The following FAT3 variants were observed in gnomAD, a reference collection of about 807,000 sequenced individuals.
The protein encoded by FAT3 is protocadherin Fat 3.
Under a neutral mutation model 310.2 loss-of-function variants are expected in FAT3, and 95 were observed. The observed-to-expected ratio is 0.31, with a 90% CI of 0.26 to 0.36. FAT3 has a LOEUF of 0.36. Ranked by LOEUF, FAT3 falls within the 10% of genes least tolerant of loss-of-function variation. The pLI is 1.00. For missense variants in FAT3, 5,408 were observed against 5,715.6 expected, an observed-to-expected ratio of 0.95 and a Z score of 1.74; for synonymous variants, 2,314 against 2,192.9, an observed-to-expected ratio of 1.06 and a Z score of -1.54.
At chr11:92,703,839 G>GAGTA (rs1283243178) in intron 4 of FAT3, among the ~76,000 whole-genome samples, 3 of 152,180 alleles carry the variant, frequency 2.0e-5, no homozygotes, top group Non-Finnish European at 4.4e-5. Flanking sequence ...AGGTCTCCTA[G>GAGTA]AGTACTAAAC....
Position 92,697,262 on chromosome 11 carries a change from G to A in FAT3, c.3608-122G>A, listed in dbSNP as rs765389306. The A allele has an allele frequency of 2.0e-4, 139 of 681,918 alleles. 3 individuals are homozygous for A. In the South Asian group the frequency reaches 2.2e-3, roughly 11 times the overall value. The allele number at this position is 681,918 out of a possible 1,614,324, so 42.2% of individuals were successfully genotyped here. A position where few individuals can be genotyped will look rare whatever the true frequency, so the allele number is the denominator to read the frequency against. ...CTTGAGACCATTCTGATTGTCATGG[G>A]GGATTGGAAAGTTACAGTTCCATAC... is the stretch of plus-strand genomic sequence containing the variant. On this transcript the variant is annotated intron_variant, in intron 3 of 27. Coordinates refer to ENST00000525166, the MANE Select transcript of FAT3 (RefSeq NM_001367949.2).
At chr11:92,416,838 AG>A (rs1950427352) in intron 2 of FAT3, among the ~76,000 whole-genome samples, 1 of 152,192 alleles carries the variant, frequency 6.6e-6, no homozygotes, top group Admixed American at 6.5e-5. Context: ...CATCCTTTAC[AG>A]ATGCAGATCT....
chr11:92,693,538 G>A (rs148616301), intron 3 of FAT3, among the ~76,000 whole-genome samples: 123 of 152,176 alleles, frequency 8.1e-4, no homozygotes, highest in Middle Eastern at 3.4e-3. Context: ...AATGCATTCA[G>A]CTACAACAAA....
chr11:92,337,621 A>T (rs1358322867), intron 1 of FAT3, among the ~76,000 whole-genome samples: 1 of 152,162 alleles, frequency 6.6e-6, no homozygotes, highest in Non-Finnish European at 1.5e-5. Flanking sequence ...TAGTAGAGAC[A>T]GGGTTTCGCC....
intron 1 of FAT3, among the ~76,000 whole-genome samples, chr11:92,250,215 G>A (rs1427832896): frequency 1.3e-5 from 2 of 151,982 alleles, no homozygotes; most frequent in Non-Finnish European, 2.9e-5. Context: ...TCTATTTTTA[G>A]CATCTAAGTT....
chr11:92,698,595 T>C (rs1470336361), intron 4 of FAT3, among the ~76,000 whole-genome samples: 3 of 152,152 alleles, frequency 2.0e-5, no homozygotes, highest in Non-Finnish European at 4.4e-5. Flanking sequence ...TAAAGGATTA[T>C]TATTATTATT....
chr11:92,389,679 C>T (rs1425971379), intron 2 of FAT3, among the ~76,000 whole-genome samples: 6 of 152,110 alleles, frequency 3.9e-5, no homozygotes, highest in Non-Finnish European at 8.8e-5. Context: ...ATAATCTTCA[C>T]AGTAGCAGTT....
At chr11:92,295,915 A>T (rs1247746293) in intron 1 of FAT3, among the ~76,000 whole-genome samples, 1 of 152,126 alleles carries the variant, frequency 6.6e-6, no homozygotes, top group Non-Finnish European at 1.5e-5. Context: ...TTCAATGTAT[A>T]ACCTTGGAGA....
intron 1 of FAT3, among the ~76,000 whole-genome samples, chr11:92,289,103 A>C (rs1298936243): frequency 1.3e-5 from 2 of 152,112 alleles, no homozygotes; most frequent in Non-Finnish European, 2.9e-5. Flanking sequence ...CTGTGAAAAG[A>C]ATCATAAATA....
intron 2 of FAT3, among the ~76,000 whole-genome samples, chr11:92,426,471 A>G (rs1950636234): frequency 1.3e-5 from 2 of 152,064 alleles, no homozygotes; most frequent in South Asian, 4.1e-4. Context: ...CCTGAAAGGT[A>G]TTGCCTGTAT....
In FAT3 at chr11:92,891,248, A is replaced by G; in HGVS notation, c.*135A>G. ...ATTTTTCCACTAGAAACTTCTTCACAAGTCATACTGTCCCAACAAGCAAGC... is the reference window on the plus strand; with the variant it reads ...ATTTTTCCACTAGAAACTTCTTCACGAGTCATACTGTCCCAACAAGCAAGC... On this transcript the variant is annotated 3_prime_UTR_variant, in exon 28 of 28. Coordinates refer to ENST00000525166, the MANE Select transcript of FAT3 (RefSeq NM_001367949.2). 5 of 1,200,254 alleles carry G rather than the reference A, an allele frequency of 4.2e-6. No individual in the cohort carries two copies. Among genetic ancestry groups the G allele is most frequent in the African/African-American group, 1.5e-5 (1 of 65,866 alleles). The allele number at this position is 1,200,254 out of a possible 1,614,324, so 74.4% of individuals were successfully genotyped here.
intron 6 of FAT3, among the ~76,000 whole-genome samples, chr11:92,767,356 A>T (rs564929648): frequency 1.3e-5 from 2 of 151,898 alleles, no homozygotes; most frequent in African/African-American, 4.8e-5. Flanking sequence ...CTTTCTCATC[A>T]GCCACTGATT....
chr11:92,588,480 G>T lies in FAT3; in HGVS notation c.3607+63532G>T, dbSNP rs368223150. On this transcript the variant is annotated intron_variant, in intron 3 of 27. Transcript: ENST00000525166. ...ACTTCCTACTGATTTTACTTCTTGA[G>T]TGATTAGTTCCAACATTGCTTATGC... 5.5e-4 allele frequency among the ~76,000 whole-genome samples: 83 copies of T among 152,118 alleles called. No individual in the cohort carries two copies. In the South Asian group the frequency reaches 8.9e-3, roughly 16 times the overall value.
At chr11:92,495,916 T>G (rs1952742546) in intron 2 of FAT3, among the ~76,000 whole-genome samples, 1 of 152,088 alleles carries the variant, frequency 6.6e-6, no homozygotes, top group Admixed American at 6.6e-5. Flanking sequence ...TCAGCTGGTT[T>G]AAATCAGAGT....
chr11:92,511,432 C>T (rs1953286909), intron 2 of FAT3, among the ~76,000 whole-genome samples: 1 of 152,004 alleles, frequency 6.6e-6, no homozygotes, highest in African/African-American at 2.4e-5. Context: ...CTTTAAAGAA[C>T]CAGACATTCC....
chr11:92,234,383 G>A (rs1864323448), intron 1 of FAT3, among the ~76,000 whole-genome samples: 1 of 152,178 alleles, frequency 6.6e-6, no homozygotes, highest in Admixed American at 6.5e-5. Flanking sequence ...TGGCATCAGA[G>A]GGGAAAATAA....
At chr11:92,593,176 T>C (rs1939525771) in intron 3 of FAT3, among the ~76,000 whole-genome samples, 1 of 135,722 alleles carries the variant, frequency 7.4e-6, no homozygotes, top group African/African-American at 2.9e-5. Context: ...ATTGTGTGTG[T>C]GCATACCACA....
intron 1 of FAT3, among the ~76,000 whole-genome samples, chr11:92,279,599 G>C (rs1946369414): frequency 6.6e-6 from 1 of 152,146 alleles, no homozygotes; most frequent in African/African-American, 2.4e-5. Context: ...GGGGGCATGG[G>C]ATATTTTGTT....
At position 92,354,026 on chromosome 11, in the gene FAT3, A is replaced by G. The variant is rs1398301290; in HGVS notation, c.1914A>G (p.Ser638=). The change falls in exon 2 of 28, where the codon TCA becomes TCG. Residue 638 remains serine (S), a synonymous_variant. Coordinates refer to ENST00000525166, the MANE Select transcript of FAT3 (RefSeq NM_001367949.2). ...PDSGVLQLKK[S]LTNSGIKNGN... ...CTGGTGTTTTACAGCTTAAAAAATCACTGACAAATTCTGGCATTAAAAATG... is the reference window on the plus strand; with the variant it reads ...CTGGTGTTTTACAGCTTAAAAAATCGCTGACAAATTCTGGCATTAAAAATG... The G allele has an allele frequency of 6.2e-7, 1 of 1,613,210 alleles. No individual in the cohort carries two copies. Among genetic ancestry groups the G allele is most frequent in the African/African-American group, 1.3e-5 (1 of 74,928 alleles).
Sources: gnomAD v4.1 joint callset for allele counts (sites outside exome capture counted in the v4.1 genomes callset) on GRCh38, gnomAD v4.1.1 for gene constraint, MANE v1.5 for transcripts, NCBI Gene and HGNC (gene_info 2026-07-23, HGNC 2026-07-21) for gene names.